Variants in STXBP6 observed in about 807,000 individuals in gnomAD.
STXBP6 encodes syntaxin-binding protein 6.
STXBP6 carries 21 observed loss-of-function variants against 26.9 expected under a neutral mutation model. The observed-to-expected ratio is 0.78, with a 90% CI of 0.55 to 1.12. STXBP6 has a LOEUF of 1.12. STXBP6 is among the 50% of genes most tolerant of loss of function. The pLI, the probability that STXBP6 is intolerant of heterozygous loss-of-function variation, is 0.00. For missense variants in STXBP6, 232 were observed against 257.9 expected, an observed-to-expected ratio of 0.90 and a Z score of 0.69; for synonymous variants, 97 against 92.6, an observed-to-expected ratio of 1.05 and a Z score of -0.27.
At chr14:24,969,909 A>G (rs1247815032) in intron 2 of STXBP6, among the ~76,000 whole-genome samples, 1 of 152,186 alleles carries the variant, frequency 6.6e-6, no homozygotes, top group East Asian at 1.9e-4. Flanking sequence ...TAATGAGGTT[A>G]ATCTTTCCCA....
chr14:24,962,146 G>C (rs1358423636), intron 2 of STXBP6, among the ~76,000 whole-genome samples: 1 of 152,030 alleles, frequency 6.6e-6, no homozygotes, highest in Non-Finnish European at 1.5e-5. Flanking sequence ...ATATACACCT[G>C]CAAACGTATA....
intron 1 of STXBP6, among the ~76,000 whole-genome samples, chr14:25,037,427 C>G (rs987275839): frequency 3.3e-5 from 5 of 152,202 alleles, no homozygotes; most frequent in African/African-American, 1.2e-4. Context: ...GCTCTCTAAA[C>G]CTGACTTTTC....
At chr14:24,963,970 TAAAAA>T (rs768793147) in intron 2 of STXBP6, among the ~76,000 whole-genome samples, 5 of 64,716 alleles carry the variant, frequency 7.7e-5, no homozygotes, top group Admixed American at 3.7e-4. Flanking sequence ...AGCAAGTTTC[TAAAAA>T]AAAAAAAAAA....
intron 2 of STXBP6, among the ~76,000 whole-genome samples, chr14:24,924,869 G>A (rs1358933138): frequency 6.6e-6 from 1 of 152,136 alleles, no homozygotes. Flanking sequence ...GATAAGTTCA[G>A]GAAATTATCC....
chr14:24,918,641 G>A (rs769839747), intron 2 of STXBP6, among the ~76,000 whole-genome samples: 1 of 151,950 alleles, frequency 6.6e-6, no homozygotes, highest in Non-Finnish European at 1.5e-5. Context: ...TACTCAATAC[G>A]AATGCTTTAT....
chr14:25,035,288 T>C (rs980548285), intron 1 of STXBP6, among the ~76,000 whole-genome samples: 7 of 152,196 alleles, frequency 4.6e-5, no homozygotes, highest in African/African-American at 1.7e-4. Context: ...TACATCCTAG[T>C]TACATATCCA....
At chr14:25,022,823 G>A (rs1166754561) in intron 1 of STXBP6, among the ~76,000 whole-genome samples, 1 of 152,032 alleles carries the variant, frequency 6.6e-6, no homozygotes, top group Non-Finnish European at 1.5e-5. Flanking sequence ...AAATTCAACT[G>A]CCTACTCAAC....
At chr14:24,822,769 A>G (rs854391) in intron 4 of STXBP6, among the ~76,000 whole-genome samples, 37,420 of 151,638 alleles carry the variant, frequency 0.25, 5,438 homozygotes, top group Non-Finnish European at 0.33. Context: ...CTTCTCTCCT[A>G]TCTCGGGGCT....
intron 1 of STXBP6, among the ~76,000 whole-genome samples, chr14:24,997,915 AT>A (rs2074648239): frequency 6.6e-6 from 1 of 152,160 alleles, no homozygotes. Flanking sequence ...TAAAAACTAT[AT>A]TTCTTTATAC....
Position 24,952,701 on chromosome 14 carries a change from G to A in STXBP6, c.154+21964C>T, listed in dbSNP as rs565984767. Among the ~76,000 whole-genome samples the A allele has an allele frequency of 4.3e-4, 66 of 152,246 alleles. 2 individuals carry two copies. In the South Asian group the frequency reaches 0.013, roughly 31 times the overall value. ...CAAGGAAAAAATAGCACAGTAGGTA[G>A]CACAGTAGGAATCAGAAAAACACCT... On this transcript the variant is annotated intron_variant, in intron 2 of 5. Transcript: ENST00000323944.
chr14:24,910,866 CT>C (rs887182702), intron 2 of STXBP6, among the ~76,000 whole-genome samples: 3 of 152,054 alleles, frequency 2.0e-5, no homozygotes, highest in African/African-American at 7.2e-5. Flanking sequence ...CAAAGTGTTC[CT>C]AAACAACCCA....
chr14:24,860,334 AG>A (rs1313965521), intron 2 of STXBP6, among the ~76,000 whole-genome samples: 1 of 152,196 alleles, frequency 6.6e-6, no homozygotes, highest in East Asian at 1.9e-4. Context: ...TCAGGAAAGT[AG>A]AACTGGTAGA....
chr14:25,027,588 A>G (rs1177803935), intron 1 of STXBP6, among the ~76,000 whole-genome samples: 1 of 152,176 alleles, frequency 6.6e-6, no homozygotes, highest in African/African-American at 2.4e-5. Context: ...CTAAGACACA[A>G]CAATATTGAA....
chr14:24,886,986 C>T (rs2070613103), intron 2 of STXBP6, among the ~76,000 whole-genome samples: 1 of 152,142 alleles, frequency 6.6e-6, no homozygotes, highest in African/African-American at 2.4e-5. Flanking sequence ...AGTTTCTAAA[C>T]AATAAACATG....
At chr14:25,008,283 C>T (rs1053538678) in intron 1 of STXBP6, among the ~76,000 whole-genome samples, 4 of 152,222 alleles carry the variant, frequency 2.6e-5, no homozygotes, top group Admixed American at 2.0e-4. Flanking sequence ...GTGGGAGGAT[C>T]GCTTGAGTCC....
intron 4 of STXBP6, among the ~76,000 whole-genome samples, chr14:24,846,074 G>C (rs2068950104): frequency 6.6e-6 from 1 of 152,148 alleles, no homozygotes; most frequent in Non-Finnish European, 1.5e-5. Context: ...CCGTGAATGA[G>C]AGCCTTTGTT....
At position 25,006,240 on chromosome 14, in the gene STXBP6, G is replaced by A. The variant is rs1346949379; in HGVS notation, c.-32-31390C>T. Among the ~76,000 whole-genome samples the A allele has an allele frequency of 3.3e-5, 5 of 152,244 alleles. 1 individual carries two copies. The East Asian group carries it at 7.7e-4, about 24-fold the overall frequency. On this transcript the variant is annotated intron_variant, in intron 1 of 5. Transcript: ENST00000323944. ...CACCCCTTTGCTGGAATTCAGGCAC[G>A]TGGCTGTACCTAACTCCAAAGGAGG...
Position 24,897,138 on chromosome 14 carries a change from C to T in STXBP6, c.155-39981G>A, listed in dbSNP as rs541345702. 1.1e-3 allele frequency among the ~76,000 whole-genome samples: 172 copies of T among 152,098 alleles called. 1 individual carries two copies. The highest frequency in any genetic ancestry group is 3.9e-3 in the African/African-American group (161 of 41,508). On this transcript the variant is annotated intron_variant, in intron 2 of 5. Coordinates refer to ENST00000323944, the MANE Select transcript of STXBP6 (RefSeq NM_001394410.1). ...CCAAAAGATTTTTTTAGGCTGGGTG[C>T]GGTGGCTCATGCCTGTAATCCCAGC...
chr14:24,954,713 G>C (rs1333722040), intron 2 of STXBP6, among the ~76,000 whole-genome samples: 5 of 152,196 alleles, frequency 3.3e-5, no homozygotes, highest in Non-Finnish European at 5.9e-5. Context: ...TTCCTATAAA[G>C]TGAGGCTGAC....
Sources: allele counts gnomAD v4.1 joint callset (sites outside exome capture counted in the v4.1 genomes callset), GRCh38; gene constraint gnomAD v4.1.1; transcripts MANE v1.5; gene names NCBI Gene and HGNC (gene_info 2026-07-23, HGNC 2026-07-21).